Variants in XKR9 observed in about 807,000 individuals in gnomAD.
XKR9 encodes XK related 9.
XKR9 carries 32 observed loss-of-function variants against 32.0 expected under a neutral mutation model. The observed-to-expected ratio is 1.00, with a 90% CI of 0.76 to 1.34. The LOEUF (loss-of-function observed/expected upper bound fraction) is 1.34. Ranked by LOEUF, XKR9 falls within the 40% of genes most tolerant of loss-of-function variation. The pLI is 0.00. For synonymous variants in XKR9, 168 were observed against 143.4 expected, an observed-to-expected ratio of 1.17 and a Z score of -1.22; for missense variants, 546 against 429.7, an observed-to-expected ratio of 1.27 and a Z score of -2.39.
At chr8:70,716,244 A>G (rs1326259459) in intron 4 of XKR9, among the ~76,000 whole-genome samples, 1 of 152,216 alleles carries the variant, frequency 6.6e-6, no homozygotes, top group Non-Finnish European at 1.5e-5. Context: ...AACTCCAGGA[A>G]TAATGAAATA....
the XKR9 span, among the ~76,000 whole-genome samples, chr8:70,930,447 C>T: frequency 6.6e-6 from 1 of 152,120 alleles, no homozygotes; most frequent in Non-Finnish European, 1.5e-5. Flanking sequence ...GTTTGCCACT[C>T]CATGCCTTAG....
chr8:70,884,403 A>C, the XKR9 span, among the ~76,000 whole-genome samples: 1 of 152,116 alleles, frequency 6.6e-6, no homozygotes, highest in Non-Finnish European at 1.5e-5. Context: ...AATATTTTTT[A>C]CAGATGATGC....
chr8:71,034,665 A>C, the XKR9 span, among the ~76,000 whole-genome samples: 1 of 151,940 alleles, frequency 6.6e-6, no homozygotes, highest in Admixed American at 6.6e-5. Context: ...CTACCCACTC[A>C]TGTGAGTGGA....
At chr8:70,767,624 G>T (rs371518976) in intron 2 of XKR9, among the ~76,000 whole-genome samples, 1 of 149,600 alleles carries the variant, frequency 6.7e-6, no homozygotes, top group East Asian at 2.0e-4. Flanking sequence ...AGCCTCCCAA[G>T]TAGCTGGGAC....
the XKR9 span, among the ~76,000 whole-genome samples, chr8:71,039,679 T>G: frequency 6.6e-6 from 1 of 152,198 alleles, no homozygotes. Flanking sequence ...GCCAAAGAAC[T>G]GCTTGCAATA....
At chr8:70,861,002 T>C in the XKR9 span, among the ~76,000 whole-genome samples, 4 of 152,188 alleles carry the variant, frequency 2.6e-5, no homozygotes, top group Non-Finnish European at 4.4e-5. Flanking sequence ...TTTTGGCCTT[T>C]ATATTGTCTG....
chr8:70,731,022 G>C, intron 4 of XKR9, among the ~76,000 whole-genome samples: 1 of 152,116 alleles, frequency 6.6e-6, no homozygotes, highest in Non-Finnish European at 1.5e-5. Context: ...TTGGTGTCAG[G>C]GTCCCACAGC....
the XKR9 span, among the ~76,000 whole-genome samples, chr8:70,868,165 C>T: frequency 6.6e-6 from 1 of 152,174 alleles, no homozygotes; most frequent in African/African-American, 2.4e-5. Context: ...GTGGCTTTTC[C>T]AGGTGCATGG....
chr8:70,869,742 A>C, the XKR9 span, among the ~76,000 whole-genome samples: 1 of 152,334 alleles, frequency 6.6e-6, no homozygotes, highest in East Asian at 1.9e-4. Flanking sequence ...TCAGTTTTGC[A>C]TATTAGACTA....
chr8:70,714,122 C>G (rs1586847349), intron 4 of XKR9, among the ~76,000 whole-genome samples: 1 of 152,110 alleles, frequency 6.6e-6, no homozygotes, highest in East Asian at 1.9e-4. Context: ...AGAGAGATTT[C>G]TAATGTTTCT....
chr8:70,725,775 G>A (rs1806446746), intron 4 of XKR9, among the ~76,000 whole-genome samples: 1 of 151,968 alleles, frequency 6.6e-6, no homozygotes, highest in African/African-American at 2.4e-5. Context: ...GCATGGTAGT[G>A]GTCGCCTGTA....
At chr8:70,737,965 C>T (rs200815812), downstream of XKR9, among the ~76,000 whole-genome samples, 1 of 116,462 alleles carries the variant, frequency 8.6e-6, no homozygotes, top group African/African-American at 2.8e-5. Context: ...CTTTGGTATC[C>T]GGATGATGCT....
intron 2 of XKR9, among the ~76,000 whole-genome samples, chr8:70,750,616 T>C (rs961702690): frequency 6.6e-6 from 1 of 152,218 alleles, no homozygotes; most frequent in African/African-American, 2.4e-5. Context: ...CTCTTCCTTT[T>C]AGAAAACAGC....
At chr8:70,815,386 T>C in the XKR9 span, among the ~76,000 whole-genome samples, 3 of 152,176 alleles carry the variant, frequency 2.0e-5, no homozygotes, top group Non-Finnish European at 2.9e-5. Context: ...TGTGTTCTAA[T>C]CATTTAGCTC....
At chr8:70,925,970 A>G in the XKR9 span, among the ~76,000 whole-genome samples, 7 of 152,358 alleles carry the variant, frequency 4.6e-5, no homozygotes, top group African/African-American at 1.7e-4. Context: ...TACACATTAT[A>G]TGATTGATGT....
the XKR9 span, among the ~76,000 whole-genome samples, chr8:70,848,174 A>G: frequency 6.6e-6 from 1 of 152,280 alleles, no homozygotes; most frequent in South Asian, 2.1e-4. Context: ...TATGCAAATC[A>G]ATAGATGTGA....
the XKR9 span, among the ~76,000 whole-genome samples, chr8:70,933,097 C>G: frequency 1.3e-5 from 2 of 152,038 alleles, no homozygotes; most frequent in Non-Finnish European, 1.5e-5. Flanking sequence ...CACTGTTCAC[C>G]AGAAGAGGTA....
chr8:70,732,042 A>C (rs533229886), intron 4 of XKR9, among the ~76,000 whole-genome samples: 27 of 152,296 alleles, frequency 1.8e-4, no homozygotes, highest in African/African-American at 6.3e-4. Flanking sequence ...GGGAGAGCCA[A>C]CCACGACTCC....
chr8:70,955,371 C>G, the XKR9 span, among the ~76,000 whole-genome samples: 1 of 152,038 alleles, frequency 6.6e-6, no homozygotes, highest in Admixed American at 6.5e-5. Context: ...ACTGACGATA[C>G]CTTATATTTG....
Sources: allele counts gnomAD v4.1 joint callset (sites outside exome capture counted in the v4.1 genomes callset), GRCh38; gene constraint gnomAD v4.1.1; transcripts MANE v1.5; gene names NCBI Gene and HGNC (gene_info 2026-07-23, HGNC 2026-07-21).